The following CDK14 variants were observed in gnomAD, a reference collection of about 807,000 sequenced individuals.
CDK14 encodes cyclin-dependent kinase 14.
CDK14 carries 34 observed loss-of-function variants against 60.7 expected under a neutral mutation model. The observed-to-expected ratio is 0.56, with a 90% confidence interval of 0.43 to 0.75. The LOEUF is 0.75. Ranked by LOEUF, CDK14 falls within the 30% of genes least tolerant of loss-of-function variation. The probability of loss-of-function intolerance (pLI) is 0.00; values close to 1 mark genes in which losing one functional copy is unlikely to be tolerated. For synonymous variants in CDK14, 197 were observed against 203.7 expected (o/e 0.97, Z 0.28); for missense variants, 482 against 564.1 (o/e 0.85, Z 1.47).
chr7:90,675,485 C>T (rs1157671744), intron 2 of CDK14, among the ~76,000 whole-genome samples: 1 of 151,900 alleles, frequency 6.6e-6, no homozygotes, highest in African/African-American at 2.4e-5. Flanking sequence ...AAAGTATCAT[C>T]AACAGTTAAC....
intron 14 of CDK14, among the ~76,000 whole-genome samples, chr7:91,157,684 A>G (rs1291720572): frequency 1.3e-5 from 2 of 152,168 alleles, no homozygotes; most frequent in Non-Finnish European, 1.5e-5. Context: ...TATCCCACAG[A>G]TGTATGATGA....
At chr7:90,714,037 C>T (rs563673843) in intron 2 of CDK14, among the ~76,000 whole-genome samples, 1 of 152,146 alleles carries the variant, frequency 6.6e-6, no homozygotes, top group South Asian at 2.1e-4. Context: ...CCTTGATTTC[C>T]ATCTCTTTTC....
intron 9 of CDK14, among the ~76,000 whole-genome samples, chr7:90,958,024 C>G (rs1358992306): frequency 6.6e-6 from 1 of 152,096 alleles, no homozygotes; most frequent in African/African-American, 2.4e-5. Flanking sequence ...ATTTTATGAC[C>G]TCAGTAAAAC....
chr7:91,197,630 C>G (rs1802587705), intron 14 of CDK14, among the ~76,000 whole-genome samples: 1 of 152,160 alleles, frequency 6.6e-6, no homozygotes, highest in Non-Finnish European at 1.5e-5. Context: ...CAAACAGAAC[C>G]TTTCTTCAAA....
intron 11 of CDK14, among the ~76,000 whole-genome samples, chr7:91,069,005 T>C (rs1222153190): frequency 6.6e-6 from 1 of 152,100 alleles, no homozygotes. Flanking sequence ...GAAAGGTTTT[T>C]TGGTTTGTTT....
At chr7:90,756,660 T>C (rs960499653) in intron 4 of CDK14, among the ~76,000 whole-genome samples, 2 of 152,322 alleles carry the variant, frequency 1.3e-5, no homozygotes, top group East Asian at 3.9e-4. Context: ...ACATGTCATA[T>C]AGCAGGACTT....
intron 14 of CDK14, among the ~76,000 whole-genome samples, chr7:91,175,177 T>C (rs1296123402): frequency 2.0e-5 from 3 of 151,666 alleles, no homozygotes; most frequent in Non-Finnish European, 2.9e-5. Context: ...AAAAGAATTT[T>C]CAACCCAGAA....
At chr7:90,659,480 C>A (rs1800818812) in intron 2 of CDK14, among the ~76,000 whole-genome samples, 1 of 152,022 alleles carries the variant, frequency 6.6e-6, no homozygotes, top group Admixed American at 6.6e-5. Context: ...GCTGAAATGA[C>A]AGAAATTTGA....
intron 6 of CDK14, among the ~76,000 whole-genome samples, chr7:90,878,041 A>G (rs1027153203): frequency 3.3e-5 from 5 of 151,406 alleles, no homozygotes; most frequent in African/African-American, 7.3e-5. Flanking sequence ...GGTAATTTTC[A>G]TAGAATAGAT....
At chr7:90,713,115 G>A (rs555466172) in intron 2 of CDK14, among the ~76,000 whole-genome samples, 14 of 152,030 alleles carry the variant, frequency 9.2e-5, no homozygotes, top group African/African-American at 1.4e-4. Flanking sequence ...GAAGTTTTCC[G>A]TTGGATGAGG....
intron 10 of CDK14, 78 bp from the exon 11 acceptor site, chr7:91,045,819 A>C: frequency 1.2e-6 from 1 of 866,024 alleles, no homozygotes; most frequent in Admixed American, 1.8e-5. Context: ...TATGTAGTGT[A>C]CTATTTTTCT....
intron 10 of CDK14, among the ~76,000 whole-genome samples, chr7:91,015,791 CAA>C (rs74909689): frequency 7.1e-6 from 1 of 140,418 alleles, no homozygotes. Context: ...GTTTATATAC[CAA>C]AAAAAAAAGG....
At chr7:91,070,269 C>G (rs2693557) in intron 11 of CDK14, among the ~76,000 whole-genome samples, 150 of 149,958 alleles carry the variant, frequency 1.0e-3, no homozygotes, top group Non-Finnish European at 1.6e-3. Flanking sequence ...GCTGCTGCTG[C>G]TGGTGGTGGT....
At chr7:91,091,397 G>A (rs1386982450) in intron 12 of CDK14, among the ~76,000 whole-genome samples, 4 of 138,298 alleles carry the variant, frequency 2.9e-5, no homozygotes, top group Non-Finnish European at 3.1e-5. Flanking sequence ...ATACACATAT[G>A]TATATAAATT....
rs1263665175 is a variant in CDK14, at chr7:91,175,615, T to A, written c.*29-31550T>A. 4.6e-5 allele frequency among the ~76,000 whole-genome samples: 7 copies of A among 151,398 alleles called. No homozygotes were observed. In the South Asian group the frequency reaches 8.4e-4, roughly 18 times the overall value. The stretch of plus-strand genomic sequence containing the variant: ...CTCAAAATAAAAGGATGGAGGAAGA[T>A]CTACCAAGCCAATGGAAAACAAAAA... On this transcript the variant is annotated intron_variant, in intron 14 of 14. Coordinates refer to ENST00000380050, the MANE Select transcript of CDK14 (RefSeq NM_001287135.2).
chr7:90,780,183 C>T (rs36027394), intron 4 of CDK14, among the ~76,000 whole-genome samples: 31,116 of 151,982 alleles, frequency 0.2, 3,299 homozygotes, highest in South Asian at 0.24. Context: ...GTCTTTCCGT[C>T]TTCATTTGTT....
At chr7:90,598,956 G>T (rs1427799142) in intron 1 of CDK14, among the ~76,000 whole-genome samples, 1 of 151,818 alleles carries the variant, frequency 6.6e-6, no homozygotes, top group East Asian at 1.9e-4. Flanking sequence ...CGCCCGCCTC[G>T]GCCTCCCAAA....
At chr7:90,873,832 T>TC (rs1298568654) in intron 6 of CDK14, among the ~76,000 whole-genome samples, 4 of 152,174 alleles carry the variant, frequency 2.6e-5, no homozygotes, top group Non-Finnish European at 4.4e-5. Context: ...TGGTTTTTTT[T>TC]CTCATTCCTC....
At chr7:90,996,334 A>G (rs1005279804) in intron 10 of CDK14, among the ~76,000 whole-genome samples, 1 of 152,132 alleles carries the variant, frequency 6.6e-6, no homozygotes, top group Non-Finnish European at 1.5e-5. Context: ...CAGGATGTTA[A>G]TCTTTTAGTG....
Sources: gnomAD v4.1 joint callset for allele counts (sites outside exome capture counted in the v4.1 genomes callset) on GRCh38, gnomAD v4.1.1 for gene constraint, MANE v1.5 for transcripts, NCBI Gene and HGNC (gene_info 2026-07-23, HGNC 2026-07-21) for gene names.